SRPK1: variants seen among roughly 807,000 people sequenced by gnomAD.
The protein encoded by SRPK1 is SFRS protein kinase 1.
SRPK1 carries 52 observed loss-of-function variants against 89.5 expected under a neutral mutation model. That is an observed-to-expected ratio of 0.58 (90% CI 0.46 to 0.73). The LOEUF (loss-of-function observed/expected upper bound fraction) is 0.73, where lower values mean the gene tolerates loss of function less well. Ranked by LOEUF, SRPK1 falls within the 30% of genes least tolerant of loss-of-function variation. The pLI, the probability that SRPK1 is intolerant of heterozygous loss-of-function variation, is 0.00. For synonymous variants in SRPK1, 255 were observed against 270.2 expected (o/e 0.94, Z 0.55); for missense variants, 603 against 780.6 (o/e 0.77, Z 2.71).
At chr6:35,846,028 TAA>T (rs566788044) in intron 13 of SRPK1, among the ~76,000 whole-genome samples, 13 of 152,238 alleles carry the variant, frequency 8.5e-5, no homozygotes, top group Middle Eastern at 3.4e-3. Context: ...GCTGGAACAA[TAA>T]AGTCTGTTTT....
intron 12 of SRPK1, among the ~76,000 whole-genome samples, chr6:35,864,509 A>G (rs1769852830): frequency 6.6e-6 from 1 of 152,242 alleles, no homozygotes; most frequent in Non-Finnish European, 1.5e-5. Flanking sequence ...ATCTCACCCC[A>G]GTTAAAATGG....
intron 14 of SRPK1, 72 bp downstream of exon 14, chr6:35,842,463 T>C: frequency 1.6e-6 from 2 of 1,246,850 alleles, no homozygotes; most frequent in Middle Eastern, 1.9e-4. Context: ...TCTTCGGTAC[T>C]AACAAATGAT....
At chr6:35,915,980 A>AC (rs1581603404) in intron 2 of SRPK1, among the ~76,000 whole-genome samples, 4 of 97,168 alleles carry the variant, frequency 4.1e-5, no homozygotes, top group South Asian at 3.2e-4. Flanking sequence ...TCAAAAACAA[A>AC]AAAAAAAAAA....
chr6:35,920,053 C>G, intron 2 of SRPK1: 1 of 458,190 alleles, frequency 2.2e-6, no homozygotes. Context: ...CAAGAATTTC[C>G]TTAAGGCCTA....
chr6:35,888,309 A>C (rs958422656), intron 4 of SRPK1, among the ~76,000 whole-genome samples, 198 bp from the exon 5 acceptor site: 2 of 152,208 alleles, frequency 1.3e-5, no homozygotes, highest in Non-Finnish European at 2.9e-5. Flanking sequence ...AAGAATAAAA[A>C]ATCTGTTCTC....
At chr6:35,890,871 C>T (rs576101433) in intron 3 of SRPK1, 24 bp downstream of exon 3, 1 of 1,538,780 alleles carries the variant, frequency 6.5e-7, no homozygotes, top group East Asian at 2.5e-5. Flanking sequence ...TCATGTCTCA[C>T]TTCATACCTC....
intron 12 of SRPK1, among the ~76,000 whole-genome samples, chr6:35,865,350 A>AT (rs1769871158): frequency 6.6e-6 from 1 of 151,834 alleles, no homozygotes; most frequent in African/African-American, 2.4e-5. Context: ...ATTAAAAAAA[A>AT]TTTTAAAACA....
intron 2 of SRPK1, among the ~76,000 whole-genome samples, chr6:35,906,075 T>C (rs1416863469): frequency 6.6e-6 from 1 of 151,756 alleles, no homozygotes; most frequent in African/African-American, 2.4e-5. Flanking sequence ...AGATAAGCCT[T>C]AGACATACTG....
At chr6:35,840,613 T>A (rs902720305) in intron 14 of SRPK1, among the ~76,000 whole-genome samples, 5 of 152,216 alleles carry the variant, frequency 3.3e-5, no homozygotes, top group Non-Finnish European at 7.3e-5. Flanking sequence ...TTGCAACCTA[T>A]TTTGGCTTAT....
intron 13 of SRPK1, 73 bp downstream of exon 13, chr6:35,857,188 G>T: frequency 9.2e-7 from 1 of 1,082,474 alleles, no homozygotes; most frequent in South Asian, 1.4e-5. Flanking sequence ...TAATTTGCTG[G>T]TTTACTGAAA....
At chr6:35,851,639 G>GT in intron 13 of SRPK1, among the ~76,000 whole-genome samples, 1 of 152,124 alleles carries the variant, frequency 6.6e-6, no homozygotes, top group Non-Finnish European at 1.5e-5. Flanking sequence ...GATGTGTAGG[G>GT]TGAAACAAGC....
intron 2 of SRPK1, among the ~76,000 whole-genome samples, chr6:35,916,815 AT>A (rs1771113178): frequency 6.6e-6 from 1 of 152,238 alleles, no homozygotes; most frequent in Non-Finnish European, 1.5e-5. Flanking sequence ...TACCAGCACT[AT>A]GAGAGGCCAA....
chr6:35,850,868 C>A (rs562486475), intron 13 of SRPK1, among the ~76,000 whole-genome samples: 1 of 152,252 alleles, frequency 6.6e-6, no homozygotes, highest in Admixed American at 6.5e-5. Context: ...TTATGTTGAA[C>A]AAAGACCTGC....
Position 35,905,064 on chromosome 6 carries a change from T to C in SRPK1, c.75-14051A>G, listed in dbSNP as rs1348825343. 1.6e-5 allele frequency: 6 copies of C among 364,666 alleles called. No homozygotes were observed. The East Asian group carries it at 4.8e-4, about 29-fold the overall frequency. The allele number at this position is 364,666 out of a possible 1,614,324, so 22.6% of individuals were successfully genotyped here. The stretch of plus-strand genomic sequence containing the variant: ...CCAGAGGCTGAGGCAGAGGGAATGC[T>C]TGAGCCCAGGAGTTTGAGATTGCAG... On this transcript the variant is annotated intron_variant, in intron 2 of 15. Transcript: ENST00000373825.
rs777375737 is a variant in SRPK1 at position 35,835,476 on chromosome 6, T to C, written c.1796A>G (p.His599Arg). ...GCCCCAAGGTTTCAGCTTCGTGATA[T>C]GTTTCAGGTCACCTGCAGTGAAGAC... ...EFFTKKGDLK[H>R]ITKLKPWGLF... The change falls in exon 16 of 16, where the codon CAT becomes CGT. Residue 599 changes from histidine to arginine, a missense_variant. His to Arg is a conservative substitution (Grantham distance 29). Transcript: ENST00000373825. 2 of 1,612,492 alleles carry C rather than the reference T, an allele frequency of 1.2e-6. No individual in the cohort carries two copies. The highest frequency in any genetic ancestry group is 2.2e-5 in the South Asian group (2 of 90,672).
At chr6:35,870,879 A>G (rs1285878022) in intron 9 of SRPK1, 55 bp downstream of exon 9, 5 of 1,427,296 alleles carry the variant, frequency 3.5e-6, no homozygotes, top group Non-Finnish European at 4.8e-6. Context: ...CAACAGAAGA[A>G]CCCATGCCCA....
rs559583547 is a variant in SRPK1, at chr6:35,837,554, GTC to G, written c.1783+781_1783+782del. Among the ~76,000 whole-genome samples the G allele has an allele frequency of 1.3e-4, 20 of 152,240 alleles. No homozygotes were observed. In the East Asian group the frequency reaches 3.9e-3, roughly 29 times the overall value. ...GCCAGGATTTGACAGTCTGGCTCCA[GTC>G]TCTGCTCTTTTTTTTCCCCGAGACA... On this transcript the variant is annotated intron_variant, in intron 15 of 15. Coordinates refer to ENST00000373825, the MANE Select transcript of SRPK1 (RefSeq NM_003137.5).
chr6:35,906,129 G>A (rs1430237528), intron 2 of SRPK1, among the ~76,000 whole-genome samples: 1 of 152,058 alleles, frequency 6.6e-6, no homozygotes, highest in African/African-American at 2.4e-5. Flanking sequence ...CTCAGGTTGA[G>A]TAAAATGAAC....
chr6:35,869,758 C>T lies in SRPK1; in HGVS notation c.1135G>A (p.Asp379Asn). ...SNNETLRHKE[D>N]LHNANDCDVQ... is the part of the protein sequence containing the mutation. ...TCACAGTCATTAGCATTATGTAGATCCTCTTTATGTCTCAATGTTTCATTA... is the reference window on the plus strand; with the variant it reads ...TCACAGTCATTAGCATTATGTAGATTCTCTTTATGTCTCAATGTTTCATTA... The change falls in exon 11 of 16, where the codon GAT (aspartate) becomes AAT (asparagine). Residue 379 changes from aspartate (D) to asparagine (N), a missense_variant. Transcript: ENST00000373825. 6.2e-7 allele frequency: 1 copy of T among 1,613,852 alleles called. No homozygotes were observed. The highest frequency in any genetic ancestry group is 8.5e-7 in the Non-Finnish European group (1 of 1,179,838).
Sources: allele counts gnomAD v4.1 joint callset (sites outside exome capture counted in the v4.1 genomes callset), GRCh38; gene constraint gnomAD v4.1.1; transcripts MANE v1.5; gene names NCBI Gene and HGNC (gene_info 2026-07-23, HGNC 2026-07-21).